KIAA1217: variants seen among roughly 807,000 people sequenced by gnomAD.
KIAA1217 encodes the protein sickle tail protein homolog.
A neutral mutation model predicts 163.9 loss-of-function variants in KIAA1217; 88 were observed. The observed-to-expected ratio is 0.54, with a 90% CI of 0.45 to 0.64. The LOEUF is 0.64. Ranked by LOEUF, KIAA1217 falls within the 30% of genes least tolerant of loss-of-function variation. The pLI is 0.00. For missense variants in KIAA1217, 2,372 were observed against 2,475.0 expected, an observed-to-expected ratio of 0.96 and a Z score of 0.88; for synonymous variants, 903 against 923.1, an observed-to-expected ratio of 0.98 and a Z score of 0.39.
At chr10:24,438,050 G>C (rs566761654) in intron 4 of KIAA1217, among the ~76,000 whole-genome samples, 1 of 150,232 alleles carries the variant, frequency 6.7e-6, no homozygotes, top group African/African-American at 2.5e-5. Flanking sequence ...TGTAAATATT[G>C]GAACTTTATT....
chr10:24,238,597 C>T (rs2072608153), intron 2 of KIAA1217, among the ~76,000 whole-genome samples: 1 of 151,938 alleles, frequency 6.6e-6, no homozygotes, highest in Non-Finnish European at 1.5e-5. Flanking sequence ...GCCATAGAAG[C>T]CGAGGGGAAA....
chr10:24,502,626 T>G (rs1234894205), intron 9 of KIAA1217, among the ~76,000 whole-genome samples: 1 of 152,196 alleles, frequency 6.6e-6, no homozygotes, highest in African/African-American at 2.4e-5. Context: ...GGTTGGTCGT[T>G]GAGGATACAG....
At chr10:23,707,303 G>A (rs1836954512) in intron 1 of KIAA1217, among the ~76,000 whole-genome samples, 1 of 152,166 alleles carries the variant, frequency 6.6e-6, no homozygotes, top group Non-Finnish European at 1.5e-5. Flanking sequence ...AGGAAGGCCA[G>A]TGCTGGGGGA....
At chr10:24,034,128 T>C (rs191762500) in intron 2 of KIAA1217, among the ~76,000 whole-genome samples, 1 of 152,350 alleles carries the variant, frequency 6.6e-6, no homozygotes, top group African/African-American at 2.4e-5. Flanking sequence ...TCCCACTTGA[T>C]TGTTGGAAGA....
At chr10:24,009,652 A>G (rs774114430) in intron 2 of KIAA1217, among the ~76,000 whole-genome samples, 23 of 152,138 alleles carry the variant, frequency 1.5e-4, no homozygotes, top group Non-Finnish European at 2.6e-4. Flanking sequence ...ACACACAGGG[A>G]AATAGGACCC....
At chr10:24,514,140 G>A (rs1262823045) in intron 10 of KIAA1217, among the ~76,000 whole-genome samples, 2 of 152,150 alleles carry the variant, frequency 1.3e-5, no homozygotes, top group African/African-American at 2.4e-5. Context: ...CACCAGGCAG[G>A]CACATCTTTT....
intron 2 of KIAA1217, among the ~76,000 whole-genome samples, chr10:24,100,337 C>A (rs890531903): frequency 6.6e-6 from 1 of 152,066 alleles, no homozygotes; most frequent in Admixed American, 6.6e-5. Context: ...ATGCAGCTGC[C>A]AGAGAGGACA....
At chr10:23,997,643 C>T (rs544529159) in intron 1 of KIAA1217, among the ~76,000 whole-genome samples, 11 of 152,326 alleles carry the variant, frequency 7.2e-5, no homozygotes, top group African/African-American at 2.2e-4. Flanking sequence ...GGAATTCAAA[C>T]ATATACTTTA....
At chr10:23,901,659 A>G (rs1841959327) in intron 1 of KIAA1217, among the ~76,000 whole-genome samples, 1 of 152,136 alleles carries the variant, frequency 6.6e-6, no homozygotes, top group South Asian at 2.1e-4. Context: ...TTGTAGTTCC[A>G]GCACTGTGGG....
At position 24,059,274 on chromosome 10, in the gene KIAA1217, T is replaced by C. The variant is rs115225755; in HGVS notation, c.-171+51900T>C. Among the ~76,000 whole-genome samples, 891 of 152,252 alleles carry C rather than the reference T, an allele frequency of 5.9e-3. 6 individuals carry two copies. Among genetic ancestry groups the C allele is most frequent in the African/African-American group, 0.02 (819 of 41,544 alleles). ...CCTTTTAGTGTGGTGTTGAATTCAG[T>C]TCGCTAGTATTTTGTCGGGGGTTGT... On this transcript the variant is annotated intron_variant, in intron 2 of 18. Coordinates refer to the KIAA1217 transcript ENST00000376462.
At chr10:23,720,467 T>C (rs1168274648) in intron 1 of KIAA1217, among the ~76,000 whole-genome samples, 2 of 152,152 alleles carry the variant, frequency 1.3e-5, no homozygotes, top group East Asian at 3.9e-4. Context: ...AATCTCTTTG[T>C]GGACATTAAT....
intron 2 of KIAA1217, among the ~76,000 whole-genome samples, chr10:24,079,687 C>T (rs1277670072): frequency 6.6e-6 from 1 of 152,056 alleles, no homozygotes; most frequent in Non-Finnish European, 1.5e-5. Context: ...GGTTTGTTTG[C>T]AAAAGGGAGG....
chr10:23,810,459 A>C (rs1836951801), intron 1 of KIAA1217, among the ~76,000 whole-genome samples: 1 of 142,740 alleles, frequency 7.0e-6, no homozygotes, highest in Non-Finnish European at 1.5e-5. Flanking sequence ...TCCTATGTAT[A>C]CTATGTATAA....
chr10:24,319,347 G>A (rs1429092368), intron 2 of KIAA1217, among the ~76,000 whole-genome samples: 1 of 122,734 alleles, frequency 8.1e-6, no homozygotes, highest in Non-Finnish European at 1.6e-5. Flanking sequence ...CTACACTCCA[G>A]CCTGGGTGAC....
At chr10:24,200,046 C>T (rs1031031960) in intron 2 of KIAA1217, among the ~76,000 whole-genome samples, 16 of 151,980 alleles carry the variant, frequency 1.1e-4, no homozygotes, top group African/African-American at 2.7e-4. Context: ...TCCTTCCCCC[C>T]CATGCACCCC....
chr10:23,964,844 C>T (rs927547593), intron 1 of KIAA1217, among the ~76,000 whole-genome samples: 1 of 152,170 alleles, frequency 6.6e-6, no homozygotes, highest in Non-Finnish European at 1.5e-5. Context: ...CGTGAGCCAC[C>T]ATGCCTGGCC....
intron 2 of KIAA1217, among the ~76,000 whole-genome samples, chr10:24,356,453 C>G (rs1409727500): frequency 1.3e-5 from 2 of 152,198 alleles, no homozygotes; most frequent in Non-Finnish European, 2.9e-5. Flanking sequence ...TCTAGGCCTT[C>G]CTTGATAATA....
intron 1 of KIAA1217, among the ~76,000 whole-genome samples, chr10:23,935,572 A>G (rs888058282): frequency 7.2e-5 from 11 of 152,354 alleles, no homozygotes; most frequent in African/African-American, 2.6e-4. Flanking sequence ...GGTTAAAAAC[A>G]AAAACATGAA....
At chr10:24,132,307 T>A (rs966400606) in intron 2 of KIAA1217, among the ~76,000 whole-genome samples, 1 of 152,186 alleles carries the variant, frequency 6.6e-6, no homozygotes, top group African/African-American at 2.4e-5. Context: ...CACAGAGCAG[T>A]CTGTCACATC....
Sources: allele counts gnomAD v4.1 joint callset (sites outside exome capture counted in the v4.1 genomes callset), GRCh38; gene constraint gnomAD v4.1.1; transcripts MANE v1.5; gene names NCBI Gene and HGNC (gene_info 2026-07-23, HGNC 2026-07-21).